The following ARHGAP31 variants were observed in gnomAD, a reference collection of about 807,000 sequenced individuals.
The protein encoded by ARHGAP31 is rho GTPase-activating protein 31.
A neutral mutation model predicts 113.9 loss-of-function variants in ARHGAP31; 34 were observed. That is an observed-to-expected ratio of 0.30 (90% CI 0.23 to 0.40). ARHGAP31 has a LOEUF of 0.40. Among genes scored for constraint, ARHGAP31 ranks in the 10% least tolerant of loss-of-function variants. The probability of loss-of-function intolerance (pLI) is 1.00; values close to 1 mark genes in which losing one functional copy is unlikely to be tolerated. For synonymous variants in ARHGAP31, 650 were observed against 684.8 expected (o/e 0.95, Z 0.79); for missense variants, 1,548 against 1,767.1 (o/e 0.88, Z 2.22).
At chr3:119,337,155 C>T (rs943308670) in intron 1 of ARHGAP31, among the ~76,000 whole-genome samples, 13 of 152,132 alleles carry the variant, frequency 8.5e-5, no homozygotes, top group Admixed American at 3.3e-4. Flanking sequence ...AGAATGAAGC[C>T]GCGGACCCTG....
intron 1 of ARHGAP31, among the ~76,000 whole-genome samples, chr3:119,336,684 T>C (rs1577000308): frequency 7.5e-6 from 1 of 133,416 alleles, no homozygotes; most frequent in Admixed American, 9.2e-5. Flanking sequence ...CAGCCACCTA[T>C]TTAAAGTATA....
At chr3:119,306,256 TAA>T (rs1411271725) in intron 1 of ARHGAP31, among the ~76,000 whole-genome samples, 1 of 152,140 alleles carries the variant, frequency 6.6e-6, no homozygotes, top group African/African-American at 2.4e-5. Flanking sequence ...GGACATCTAG[TAA>T]AAGTTTTCAA....
In ARHGAP31 at chr3:119,294,957, C is replaced by T. The variant is rs1040286577; in HGVS notation, c.53C>T (p.Ala18Val). ...QKLKRKGAAS[A>V]FGCDLTEYLE... is the part of the protein sequence containing the mutation. ...CTGAAACGAAAGGGAGCCGCCAGCG[C>T]GTTTGGCTGTGACCTGACGGAGTAT... Residue 18 changes from alanine (A) to valine (V), a missense_variant, in exon 1 of 12, where the codon GCG (alanine) becomes GTG (valine). Ala to Val is a moderately conservative substitution (Grantham distance 64, BLOSUM62 0). Coordinates refer to ENST00000264245, the MANE Select transcript of ARHGAP31 (RefSeq NM_020754.4). 4 of 1,614,080 alleles carry T rather than the reference C, an allele frequency of 2.5e-6. No homozygotes were observed. The Admixed American group carries it at 5.0e-5, about 20-fold the overall frequency.
At chr3:119,359,457 T>A (rs943603043) in intron 1 of ARHGAP31, among the ~76,000 whole-genome samples, 6 of 151,854 alleles carry the variant, frequency 4.0e-5, no homozygotes, top group African/African-American at 9.7e-5. Flanking sequence ...TTTTTTTTTT[T>A]AAAGAACAGA....
intron 6 of ARHGAP31, among the ~76,000 whole-genome samples, chr3:119,389,579 C>T (rs1021723123): frequency 6.6e-6 from 1 of 152,150 alleles, no homozygotes; most frequent in African/African-American, 2.4e-5. Flanking sequence ...CCATGCTAGT[C>T]CTCCCCAGAA....
chr3:119,401,947 G>C lies in ARHGAP31; in HGVS notation c.1195G>C (p.Gly399Arg). Reference protein sequence around the residue: ...CDLTKQEGEWGQEGMPPGAEG... With the variant: ...CDLTKQEGEWRQEGMPPGAEG... ...CCTCACCAAGCAGGAGGGCGAATGG[G>C]GCCAGGAGGGGATGCCTCCCGGGGC... Residue 399 changes from glycine to arginine, a missense_variant, in exon 10 of 12, where the codon GGC (glycine) becomes CGC (arginine). Coordinates refer to ENST00000264245, the MANE Select transcript of ARHGAP31 (RefSeq NM_020754.4). 2 of 1,614,128 alleles carry C rather than the reference G, an allele frequency of 1.2e-6. No individual in the cohort carries two copies. The highest frequency in any genetic ancestry group is 1.1e-5 in the South Asian group (1 of 91,072).
chr3:119,349,349 G>T (rs1425205606), intron 1 of ARHGAP31, among the ~76,000 whole-genome samples: 1 of 152,174 alleles, frequency 6.6e-6, no homozygotes, highest in Non-Finnish European at 1.5e-5. Flanking sequence ...AGCAGAGCTT[G>T]GTGTCCCATT....
At position 119,365,386 on chromosome 3, in the gene ARHGAP31, T is replaced by A. The variant is rs1466528427; in HGVS notation, c.171T>A (p.Leu57=). The A allele has an allele frequency of 4.3e-6, 7 of 1,614,036 alleles. No individual in the cohort carries two copies. The highest frequency in any genetic ancestry group is 5.9e-6 in the Non-Finnish European group (7 of 1,180,028). ...THGIVDGIYR[L]SGVTSNIQRL... ...GCATCGTGGATGGAATCTATCGGCT[T>A]TCAGGAGTCACCTCAAACATACAAC... The change falls in exon 2 of 12, where the codon CTT becomes CTA. Residue 57 remains leucine (L), a synonymous_variant. Transcript: ENST00000264245.
intron 1 of ARHGAP31, among the ~76,000 whole-genome samples, chr3:119,295,815 A>G (rs1333047059): frequency 2.6e-5 from 4 of 152,076 alleles, no homozygotes. Context: ...TTGTTGGGGA[A>G]GGGGGAAAGA....
chr3:119,325,970 C>G (rs1225311475), intron 1 of ARHGAP31, among the ~76,000 whole-genome samples: 2 of 152,114 alleles, frequency 1.3e-5, no homozygotes, highest in Non-Finnish European at 2.9e-5. Context: ...GCGGGTGGAT[C>G]ACCTAGGGTC....
intron 10 of ARHGAP31, among the ~76,000 whole-genome samples, chr3:119,404,805 A>G (rs950639370): frequency 4.5e-4 from 69 of 152,352 alleles, no homozygotes; most frequent in African/African-American, 1.5e-3. Flanking sequence ...GAAAAAATTG[A>G]AGGATTAATC....
chr3:119,326,360 G>T (rs1361701450), intron 1 of ARHGAP31, among the ~76,000 whole-genome samples: 1 of 152,004 alleles, frequency 6.6e-6, no homozygotes, highest in African/African-American at 2.4e-5. Flanking sequence ...AGAATGTGTC[G>T]TGCTACTGTA....
Position 119,346,987 on chromosome 3 carries a change from A to C in ARHGAP31, c.101-18329A>C, listed in dbSNP as rs771537712. On this transcript the variant is annotated intron_variant, in intron 1 of 11. Transcript: ENST00000264245. ...GTTGACAAAAAAGTGGAGAGCAGGGATAGAGTATGGAGTGAATACTTGGGG... is the reference window on the plus strand; with the variant it reads ...GTTGACAAAAAAGTGGAGAGCAGGGCTAGAGTATGGAGTGAATACTTGGGG... 2.0e-5 allele frequency among the ~76,000 whole-genome samples: 3 copies of C among 152,294 alleles called. No homozygotes were observed. In the South Asian group the frequency reaches 6.2e-4, roughly 32 times the overall value.
chr3:119,332,860 G>A (rs2107608066), intron 1 of ARHGAP31, among the ~76,000 whole-genome samples: 1 of 152,242 alleles, frequency 6.6e-6, no homozygotes, highest in South Asian at 2.1e-4. Context: ...CTTTCACAGT[G>A]ATAATGAGAA....
In ARHGAP31 at chr3:119,414,203, T is replaced by A. The variant is rs1243119081; in HGVS notation, c.2274T>A (p.Val758=). The change falls in exon 12 of 12, where the codon GTT becomes GTA. Residue 758 remains valine (V), a synonymous_variant. Transcript: ENST00000264245. ...CCAGCCTGGCTCCTCTGGAAATAGT[T>A]CCTTTTGAGAAGGCATCTCCACAAG... ...DLASLAPLEI[V]PFEKASPQAT... The A allele has an allele frequency of 1.2e-6, 2 of 1,614,126 alleles. No individual in the cohort carries two copies. The highest frequency in any genetic ancestry group is 1.1e-5 in the South Asian group (1 of 91,076).
chr3:119,368,285 G>GAT, intron 2 of ARHGAP31, 87 bp from the exon 3 acceptor site: 1 of 1,541,458 alleles, frequency 6.5e-7, no homozygotes, highest in Non-Finnish European at 8.9e-7. Flanking sequence ...GCAGTTTAGG[G>GAT]TCTTTTTACC....
intron 3 of ARHGAP31, among the ~76,000 whole-genome samples, chr3:119,374,500 GT>G (rs1176402555): frequency 2.0e-5 from 3 of 152,086 alleles, no homozygotes; most frequent in African/African-American, 7.2e-5. Context: ...GTTTGGCTCT[GT>G]CCCCACCCAA....
chr3:119,373,444 T>G (rs2080320242), intron 3 of ARHGAP31, among the ~76,000 whole-genome samples: 1 of 148,762 alleles, frequency 6.7e-6, no homozygotes, highest in Non-Finnish European at 1.5e-5. Context: ...CTTTTTTTTT[T>G]GTTGTTGTTG....
At chr3:119,341,293 G>A (rs1005552465) in intron 1 of ARHGAP31, among the ~76,000 whole-genome samples, 1 of 152,148 alleles carries the variant, frequency 6.6e-6, no homozygotes, top group Non-Finnish European at 1.5e-5. Context: ...GCTTCAGTGA[G>A]GACATGACAT....
Sources: allele counts gnomAD v4.1 joint callset (sites outside exome capture counted in the v4.1 genomes callset), GRCh38; gene constraint gnomAD v4.1.1; transcripts MANE v1.5; gene names NCBI Gene and HGNC (gene_info 2026-07-23, HGNC 2026-07-21).